DCHS2: variants seen among roughly 807,000 people sequenced by gnomAD.
The protein encoded by DCHS2 is dachsous cadherin-related 2, also known as protocadherin-23.
A neutral mutation model predicts 182.4 loss-of-function variants in DCHS2; 142 were observed. That is an observed-to-expected ratio of 0.78 (90% CI 0.68 to 0.89). The LOEUF (loss-of-function observed/expected upper bound fraction) is 0.89, where lower values mean the gene tolerates loss of function less well. DCHS2 is among the 40% of genes least tolerant of loss of function. DCHS2 has a pLI of 0.00. For synonymous variants in DCHS2, 1,740 were observed against 1,663.3 expected (o/e 1.05, Z -1.12); for missense variants, 4,319 against 4,198.6 (o/e 1.03, Z -0.79).
At chr4:154,270,208 A>G (rs1243692474) in intron 13 of DCHS2, among the ~76,000 whole-genome samples, 195 bp from the exon 14 acceptor site, 1 of 152,184 alleles carries the variant, frequency 6.6e-6, no homozygotes, top group Non-Finnish European at 1.5e-5. Flanking sequence ...GATAGAAAAG[A>G]TCTCTGTCCT....
At chr4:154,310,496 C>A (rs1014460430) in intron 10 of DCHS2, among the ~76,000 whole-genome samples, 2 of 152,154 alleles carry the variant, frequency 1.3e-5, no homozygotes, top group Admixed American at 6.5e-5. Context: ...GTGAACTTAT[C>A]ATGTATGACA....
At chr4:154,480,208 C>T (rs1735867887) in intron 1 of DCHS2, among the ~76,000 whole-genome samples, 1 of 152,108 alleles carries the variant, frequency 6.6e-6, no homozygotes, top group South Asian at 2.1e-4. Context: ...GAGTTTCTAA[C>T]AAAACAATTG....
chr4:154,344,619 C>T (rs894416590), intron 3 of DCHS2, among the ~76,000 whole-genome samples: 3 of 152,172 alleles, frequency 2.0e-5, no homozygotes, highest in Admixed American at 2.0e-4. Flanking sequence ...ACAGTAACTC[C>T]AAGAACCTGC....
intron 1 of DCHS2, among the ~76,000 whole-genome samples, chr4:154,404,379 A>G (rs1199748084): frequency 3.3e-5 from 5 of 152,224 alleles, no homozygotes; most frequent in Non-Finnish European, 7.3e-5. Flanking sequence ...TTATGATCAC[A>G]GAACATAGTC....
At chr4:154,475,994 TA>T (rs1402992920) in intron 1 of DCHS2, among the ~76,000 whole-genome samples, 3 of 152,142 alleles carry the variant, frequency 2.0e-5, no homozygotes, top group Non-Finnish European at 4.4e-5. Flanking sequence ...ATATTCTGCT[TA>T]AAAGGATTGG....
At chr4:154,323,198 T>G in intron 7 of DCHS2, 2 of 1,550,572 alleles carry the variant, frequency 1.3e-6, no homozygotes, top group Non-Finnish European at 1.7e-6. Context: ...TTCTTATGTT[T>G]TCCTTAAATT....
At chr4:154,326,908 A>G (rs1485006793) in intron 7 of DCHS2, among the ~76,000 whole-genome samples, 1 of 152,192 alleles carries the variant, frequency 6.6e-6, no homozygotes, top group Non-Finnish European at 1.5e-5. Context: ...GTCAAATTCT[A>G]TCAAAGCCTC....
At chr4:154,251,635 C>G (rs1045606910) in intron 16 of DCHS2, among the ~76,000 whole-genome samples, 7 of 152,224 alleles carry the variant, frequency 4.6e-5, no homozygotes, top group African/African-American at 1.7e-4. Context: ...TCTCCTGCCT[C>G]AGCCTCCCGA....
chr4:154,297,900 G>T lies in DCHS2; in HGVS notation c.6414C>A (p.Ser2138=). Residue 2138 remains serine (S), a synonymous_variant, in exon 13 of 20, where the codon TCC becomes TCA. Coordinates refer to ENST00000357232, the MANE Select transcript of DCHS2 (RefSeq NM_001358235.2). The stretch of plus-strand genomic sequence containing the variant: ...GCCCTTTATACAGGTGGTGGCTGAA[G>T]GAAATCTTTACATCTTCTCCTTCCA... ...IHMEGEDVKI[S]FSHHLYKGLV... is the part of the protein sequence containing the mutation. The T allele has an allele frequency of 6.2e-7, 1 of 1,614,038 alleles. No homozygotes were observed.
chr4:154,249,087 G>A (rs1468034309), intron 16 of DCHS2, among the ~76,000 whole-genome samples: 3 of 152,138 alleles, frequency 2.0e-5, no homozygotes, highest in Non-Finnish European at 4.4e-5. Flanking sequence ...ATTGACAGAT[G>A]GGATCTAATT....
rs115860966 is a variant in DCHS2 at position 154,248,603 on chromosome 4, G to A, written c.6942-5831C>T. On this transcript the variant is annotated intron_variant, in intron 16 of 19. Transcript: ENST00000357232. ...AATCTTTAATCTTTATGTATCTATT[G>A]AATACTTCTTTTCTGCCTAAACAGA... Among the ~76,000 whole-genome samples, 1,006 of 152,112 alleles carry A rather than the reference G, an allele frequency of 6.6e-3. 10 individuals are homozygous for A. Among genetic ancestry groups the A allele is most frequent in the African/African-American group, 0.024 (977 of 41,500 alleles).
Position 154,320,738 on chromosome 4 carries a change from T to A in DCHS2, c.4661A>T (p.Asn1554Ile). The A allele has an allele frequency of 6.2e-7, 1 of 1,614,000 alleles. No individual in the cohort carries two copies. ...GATGAGAAATGGATTCGTGCCAGGG[T>A]TGTGGGATTCAATGTAGTATTGTAT... Reference protein sequence around the residue: ...SRIQYYIESHNPGTNPFLIHP... With the variant: ...SRIQYYIESHIPGTNPFLIHP... Residue 1554 changes from asparagine to isoleucine, a missense_variant, in exon 9 of 20, where the codon AAC becomes ATC. Transcript: ENST00000357232.
At chr4:154,488,364 C>T (rs1728662551) in intron 1 of DCHS2, among the ~76,000 whole-genome samples, 1 of 152,114 alleles carries the variant, frequency 6.6e-6, no homozygotes, top group African/African-American at 2.4e-5. Flanking sequence ...CCCACTGCCC[C>T]TCAGAGTCCT....
At chr4:154,376,093 T>G (rs6536003) in intron 2 of DCHS2, among the ~76,000 whole-genome samples, 128,680 of 151,944 alleles carry the variant, frequency 0.85, 54,644 homozygotes, top group South Asian at 0.92. Flanking sequence ...GAGGGGTGGA[T>G]GGAGGACAGT....
intron 10 of DCHS2, 33 bp downstream of exon 10, chr4:154,315,715 A>G: frequency 1.2e-6 from 2 of 1,600,848 alleles, no homozygotes; most frequent in Non-Finnish European, 1.7e-6. Flanking sequence ...TCTTTTAAGC[A>G]TTAAATACCC....
At chr4:154,260,792 G>T (rs554643082) in intron 14 of DCHS2, among the ~76,000 whole-genome samples, 1 of 151,980 alleles carries the variant, frequency 6.6e-6, no homozygotes, top group Non-Finnish European at 1.5e-5. Flanking sequence ...CATCTCTTAC[G>T]TACCATCATA....
At chr4:154,408,572 A>G in intron 1 of DCHS2, among the ~76,000 whole-genome samples, 1 of 152,240 alleles carries the variant, frequency 6.6e-6, no homozygotes, top group East Asian at 1.9e-4. Context: ...AAAGCAAGAT[A>G]GCCAACTAGA....
At chr4:154,423,273 T>C (rs971287970) in intron 1 of DCHS2, among the ~76,000 whole-genome samples, 3 of 152,368 alleles carry the variant, frequency 2.0e-5, no homozygotes, top group South Asian at 2.1e-4. Flanking sequence ...TTCTGTATCC[T>C]GGACTTTTCC....
At chr4:154,482,129 C>A (rs557365061) in intron 1 of DCHS2, among the ~76,000 whole-genome samples, 1 of 152,256 alleles carries the variant, frequency 6.6e-6, no homozygotes, top group African/African-American at 2.4e-5. Context: ...CAAAAACCAT[C>A]CAGTAAAAAG....
Sources: gnomAD v4.1 joint callset for allele counts (sites outside exome capture counted in the v4.1 genomes callset) on GRCh38, gnomAD v4.1.1 for gene constraint, MANE v1.5 for transcripts, NCBI Gene and HGNC (gene_info 2026-07-23, HGNC 2026-07-21) for gene names.